Variants in RBMS3 observed in about 807,000 individuals in gnomAD.
The protein encoded by RBMS3 is RNA-binding motif, single-stranded-interacting protein 3.
A neutral mutation model predicts 66.8 loss-of-function variants in RBMS3; 27 were observed. The observed-to-expected ratio is 0.40, with a 90% CI of 0.30 to 0.56. The LOEUF (loss-of-function observed/expected upper bound fraction) is 0.56. Ranked by LOEUF, RBMS3 falls within the 20% of genes least tolerant of loss-of-function variation. The pLI, the probability that RBMS3 is intolerant of heterozygous loss-of-function variation, is 0.40. For synonymous variants in RBMS3, 188 were observed against 183.0 expected (o/e 1.03, Z -0.22); for missense variants, 513 against 549.5 (o/e 0.93, Z 0.66).
chr3:29,654,538 GT>G (rs2050255269), intron 4 of RBMS3, among the ~76,000 whole-genome samples: 2 of 147,654 alleles, frequency 1.4e-5, no homozygotes, highest in Non-Finnish European at 3.0e-5. Flanking sequence ...GTGTGTGTGT[GT>G]GTGTGTGTGT....
chr3:29,684,541 A>G (rs1425884237), intron 4 of RBMS3, among the ~76,000 whole-genome samples: 3 of 152,186 alleles, frequency 2.0e-5, no homozygotes, highest in African/African-American at 7.2e-5. Context: ...AATTTTATTT[A>G]GGGAGTTATG....
At chr3:29,330,949 T>G (rs1174635471) in intron 1 of RBMS3, among the ~76,000 whole-genome samples, 2 of 152,186 alleles carry the variant, frequency 1.3e-5, no homozygotes, top group Non-Finnish European at 2.9e-5. Context: ...CAGCTAGTAG[T>G]GTCCTTCCCT....
chr3:29,805,100 A>G (rs1354624347), intron 6 of RBMS3, among the ~76,000 whole-genome samples: 1 of 152,076 alleles, frequency 6.6e-6, no homozygotes. Context: ...TGCATTGCAT[A>G]ACAACCTCTT....
rs182000459 is a variant in RBMS3 at position 29,491,862 on chromosome 3, G to A, written c.307+3363G>A. On this transcript the variant is annotated intron_variant, in intron 3 of 14. Coordinates refer to ENST00000383767, the MANE Select transcript of RBMS3 (RefSeq NM_001003793.3). ...TAAAAAATTAGCCGGGCGTGGTGGC[G>A]GGTGCCTGTAGTCCCAGCTACTTGG... 2.1e-3 allele frequency among the ~76,000 whole-genome samples: 324 copies of A among 152,186 alleles called. 1 individual carries two copies. Among genetic ancestry groups the A allele is most frequent in the African/African-American group, 7.4e-3 (306 of 41,532 alleles).
intron 3 of RBMS3, among the ~76,000 whole-genome samples, chr3:29,562,153 G>A (rs1381689267): frequency 2.0e-5 from 3 of 152,116 alleles, no homozygotes; most frequent in African/African-American, 7.2e-5. Context: ...GATTTTGAAT[G>A]ATTTTTGTTT....
At chr3:29,444,620 T>A (rs945427624) in intron 2 of RBMS3, among the ~76,000 whole-genome samples, 6 of 151,836 alleles carry the variant, frequency 4.0e-5, no homozygotes, top group African/African-American at 1.5e-4. Flanking sequence ...GAATACTTGC[T>A]GAGAAGTCAA....
rs776357215 is a variant in RBMS3, at chr3:29,384,435, T to TAATAATAATAAGAAGAAGAAG, written c.76-50306_76-50305insTAATAATAAGAAGAAGAAGAA. ...TATACACCAATAATAATAATAATAATAAGAAGAAGAAGAAGAAGAAGAAGA... is the reference window on the plus strand; with the variant it reads ...TATACACCAATAATAATAATAATAATAATAATAATAAGAAGAAGAAGAAGAAGAAGAAGAAGAAGAAGAAGA... On this transcript the variant is annotated intron_variant, in intron 1 of 14. Transcript: ENST00000383767. 6.6e-3 allele frequency among the ~76,000 whole-genome samples: 932 copies of TAATAATAATAAGAAGAAGAAG among 141,058 alleles called. 8 individuals carry two copies. The highest frequency in any genetic ancestry group is 0.021 in the South Asian group (86 of 4,138). 92.5% of individuals were successfully genotyped at this position (141,058 alleles called of 152,430 possible).
At chr3:29,789,659 C>T (rs2056936109) in intron 6 of RBMS3, among the ~76,000 whole-genome samples, 1 of 152,018 alleles carries the variant, frequency 6.6e-6, no homozygotes. Flanking sequence ...GGGAGTCATT[C>T]CCACCACCAC....
intron 1 of RBMS3, among the ~76,000 whole-genome samples, chr3:29,339,401 C>T (rs192997185): frequency 1.9e-4 from 29 of 152,162 alleles, no homozygotes; most frequent in Admixed American, 6.5e-4. Flanking sequence ...GGCTGCAGGT[C>T]CTCGCAGATG....
intron 3 of RBMS3, among the ~76,000 whole-genome samples, chr3:29,518,174 T>C (rs1383427009): frequency 1.3e-5 from 2 of 152,182 alleles, no homozygotes; most frequent in Admixed American, 1.3e-4. Flanking sequence ...AAGCACAGGT[T>C]ATTGGGTGTA....
At chr3:29,452,457 C>A (rs532726236) in intron 2 of RBMS3, among the ~76,000 whole-genome samples, 8 of 152,132 alleles carry the variant, frequency 5.3e-5, no homozygotes, top group Non-Finnish European at 1.2e-4. Flanking sequence ...AAAATCTATA[C>A]CAAAAGCAAG....
At chr3:29,634,238 A>G (rs984123947) in intron 4 of RBMS3, among the ~76,000 whole-genome samples, 8 of 151,912 alleles carry the variant, frequency 5.3e-5, no homozygotes, top group Admixed American at 5.3e-4. Flanking sequence ...TTGTCTCAAC[A>G]TTAAAATTGC....
At position 29,944,122 on chromosome 3, in the gene RBMS3, G is replaced by A. The variant is rs563828864; in HGVS notation, c.1051-85G>A. 2.1e-5 allele frequency: 26 copies of A among 1,228,898 alleles called. No homozygotes were observed. The Middle Eastern group carries it at 1.5e-3, about 72-fold the overall frequency. 76.1% of individuals were successfully genotyped at this position (1,228,898 alleles called of 1,614,324 possible). On this transcript the variant is annotated intron_variant, in intron 11 of 14. Transcript: ENST00000383767. ...GTCAGGCAACCATATGACACACAGC[G>A]GACTCTTCCACGTGTTAGGGCTGAT...
chr3:29,769,686 G>A (rs1394756375), intron 6 of RBMS3, among the ~76,000 whole-genome samples: 1 of 151,640 alleles, frequency 6.6e-6, no homozygotes, highest in Non-Finnish European at 1.5e-5. Context: ...TAGCTCAAGG[G>A]CTGTATGCTT....
chr3:29,792,331 C>G (rs1024243015), intron 6 of RBMS3, among the ~76,000 whole-genome samples: 33 of 152,120 alleles, frequency 2.2e-4, no homozygotes, highest in African/African-American at 7.2e-4. Flanking sequence ...ATTTCACCTC[C>G]TAGCAAAGGA....
chr3:29,720,500 G>T (rs1470727972), intron 4 of RBMS3, among the ~76,000 whole-genome samples: 1 of 152,028 alleles, frequency 6.6e-6, no homozygotes, highest in African/African-American at 2.4e-5. Context: ...TATTAGTCTG[G>T]AATGATAGGG....
intron 4 of RBMS3, among the ~76,000 whole-genome samples, chr3:29,725,359 C>G (rs2053818425): frequency 6.6e-6 from 1 of 152,014 alleles, no homozygotes; most frequent in African/African-American, 2.4e-5. Flanking sequence ...CAAGAAACAA[C>G]TAAGATCACA....
chr3:29,362,687 A>C (rs1348955603), intron 1 of RBMS3, among the ~76,000 whole-genome samples: 1 of 152,146 alleles, frequency 6.6e-6, no homozygotes, highest in Non-Finnish European at 1.5e-5. Context: ...TTTTAACCTA[A>C]ATGATTTCTT....
At chr3:29,828,695 A>T (rs1388252173) in intron 6 of RBMS3, among the ~76,000 whole-genome samples, 2 of 152,220 alleles carry the variant, frequency 1.3e-5, no homozygotes, top group East Asian at 1.9e-4. Context: ...GGCAGATCAC[A>T]GACTAAGAAA....
Sources: allele counts gnomAD v4.1 joint callset (sites outside exome capture counted in the v4.1 genomes callset), GRCh38; gene constraint gnomAD v4.1.1; transcripts MANE v1.5; gene names NCBI Gene and HGNC (gene_info 2026-07-23, HGNC 2026-07-21).